Variants in BLOC1S5 observed in about 807,000 individuals in gnomAD.
BLOC1S5 encodes biogenesis of lysosome-related organelles complex 1 subunit 5.
BLOC1S5 carries 27 observed loss-of-function variants against 24.3 expected under a neutral mutation model. The observed-to-expected ratio is 1.11, with a 90% CI of 0.82 to 1.53. BLOC1S5 has a LOEUF of 1.53. Among genes scored for constraint, BLOC1S5 ranks in the 40% most tolerant of loss-of-function variants. The pLI is 0.00. For synonymous variants in BLOC1S5, 84 were observed against 74.5 expected (o/e 1.13, Z -0.66); for missense variants, 239 against 229.4 (o/e 1.04, Z -0.27).
Position 8,062,531 on chromosome 6 carries a change from CACTT to C in BLOC1S5, c.194_195+2del. The C allele has an allele frequency of 6.5e-7, 1 of 1,540,410 alleles. No homozygotes were observed. The highest frequency in any genetic ancestry group is 8.9e-7 in the Non-Finnish European group (1 of 1,123,164). On this transcript the variant is annotated splice_donor_variant and coding_sequence_variant, in exon 2 of 5. Transcript: ENST00000397457. LOFTEE classifies it high-confidence loss of function. ...CTTTTATAAAATAAGTTTAAATACT[CACTT>C]CAAATTCTTTTACAAAATAACGAGT... is the stretch of plus-strand genomic sequence containing the variant.
At chr6:8,037,235 C>G (rs563656718) in intron 3 of BLOC1S5, among the ~76,000 whole-genome samples, 12 of 152,274 alleles carry the variant, frequency 7.9e-5, no homozygotes, top group Non-Finnish European at 1.6e-4. Context: ...AACCTATTGA[C>G]TCACCAAAAA....
chr6:8,054,403 C>CA (rs1258830680), intron 2 of BLOC1S5: 2 of 328,008 alleles, frequency 6.1e-6, no homozygotes, highest in Non-Finnish European at 1.2e-5. Flanking sequence ...AATGCTTACC[C>CA]ACTGTTGTTA....
At chr6:8,059,243 GAGAC>G (rs1484572387) in intron 2 of BLOC1S5, among the ~76,000 whole-genome samples, 3 of 152,184 alleles carry the variant, frequency 2.0e-5, no homozygotes, top group African/African-American at 4.8e-5. Context: ...ATAAAGTCAG[GAGAC>G]AGACAGTCAT....
chr6:8,063,734 T>C (rs1338852150), intron 1 of BLOC1S5, among the ~76,000 whole-genome samples: 2 of 152,124 alleles, frequency 1.3e-5, no homozygotes, highest in African/African-American at 4.8e-5. Flanking sequence ...AGAATCTAGG[T>C]TGTAACCTTC....
At chr6:8,063,333 A>G (rs1372986635) in intron 1 of BLOC1S5, among the ~76,000 whole-genome samples, 1 of 150,944 alleles carries the variant, frequency 6.6e-6, no homozygotes, top group Non-Finnish European at 1.5e-5. Context: ...TAAGTCTGAA[A>G]AAGTCATTAA....
At chr6:8,054,781 T>C (rs752173239) in intron 2 of BLOC1S5, among the ~76,000 whole-genome samples, 4 of 152,244 alleles carry the variant, frequency 2.6e-5, no homozygotes, top group Non-Finnish European at 5.9e-5. Context: ...CCCTTCAATA[T>C]AATTTTAGTA....
intron 3 of BLOC1S5, among the ~76,000 whole-genome samples, chr6:8,038,201 G>C (rs984957820): frequency 6.6e-6 from 1 of 152,118 alleles, no homozygotes; most frequent in Non-Finnish European, 1.5e-5. Context: ...AAAATAATCA[G>C]CAAGTTGAAG....
At chr6:8,032,948 C>T (rs1763355080) in intron 3 of BLOC1S5, among the ~76,000 whole-genome samples, 1 of 152,130 alleles carries the variant, frequency 6.6e-6, no homozygotes, top group South Asian at 2.1e-4. Context: ...TCAAGGAGAA[C>T]TACAAACCAC....
intron 3 of BLOC1S5, among the ~76,000 whole-genome samples, chr6:8,037,022 A>G (rs1561862004): frequency 1.3e-5 from 2 of 152,208 alleles, no homozygotes; most frequent in Non-Finnish European, 2.9e-5. Context: ...CCCACAGCTA[A>G]CATCATACTG....
Position 8,041,198 on chromosome 6 carries a change from T to C in BLOC1S5, c.266A>G (p.His89Arg). 6.2e-7 allele frequency: 1 copy of C among 1,613,252 alleles called. No individual in the cohort carries two copies. The highest frequency in any genetic ancestry group is 8.5e-7 in the Non-Finnish European group (1 of 1,179,554). ...TGTGTCTCTACATTTGGGAAGAGTA[T>C]GTTCATTTGTTTCATGGATCATGTT... The part of the protein sequence containing the change: ...LKNMIHETNE[H>R]TLPKCRDTMR... Residue 89 changes from histidine (H) to arginine (R), a missense_variant, in exon 3 of 5, where the codon CAT (histidine) becomes CGT (arginine). Transcript: ENST00000397457.
Position 8,041,177 on chromosome 6 carries a change from T to C in BLOC1S5, c.287A>G (p.Asp96Gly), listed in dbSNP as rs1166952620. Residue 96 changes from aspartate to glycine, a missense_variant, in exon 3 of 5, where the codon GAC becomes GGC. By Grantham distance (94) the Asp-to-Gly change is moderately conservative. Transcript: ENST00000397457. ...TNEHTLPKCRDTMRDSLSQVL... is the reference protein window; with the variant it reads ...TNEHTLPKCRGTMRDSLSQVL... ...CTGGCTGAGGCTGTCCCGCATTGTG[T>C]CTCTACATTTGGGAAGAGTATGTTC... is the stretch of plus-strand genomic sequence containing the variant. 6.2e-7 allele frequency: 1 copy of C among 1,611,432 alleles called. No homozygotes were observed. The highest frequency in any genetic ancestry group is 8.5e-7 in the Non-Finnish European group (1 of 1,179,084).
intron 4 of BLOC1S5, among the ~76,000 whole-genome samples, chr6:8,025,167 CTAT>C (rs1002341966): frequency 6.6e-6 from 1 of 152,230 alleles, no homozygotes; most frequent in African/African-American, 2.4e-5. Context: ...ACTTTATCCT[CTAT>C]TATTATAGTG....
intron 3 of BLOC1S5, chr6:8,027,128 G>A (rs2113529668): frequency 3.3e-6 from 1 of 307,420 alleles, no homozygotes; most frequent in South Asian, 2.8e-5. Context: ...TTTCATCAAT[G>A]AAACCAGTTG....
intron 4 of BLOC1S5, among the ~76,000 whole-genome samples, chr6:8,024,725 C>G (rs1442055938): frequency 2.0e-5 from 3 of 152,060 alleles, no homozygotes; most frequent in Non-Finnish European, 4.4e-5. Context: ...CTTAAACAAA[C>G]AGTGAGCTGG....
chr6:8,023,845 T>C (rs1318846924), intron 4 of BLOC1S5, among the ~76,000 whole-genome samples: 1 of 152,104 alleles, frequency 6.6e-6, no homozygotes, highest in Non-Finnish European at 1.5e-5. Context: ...TGCACATGTG[T>C]ATATGTGCAC....
In BLOC1S5 at chr6:8,057,989, G is replaced by A. The variant is rs562621453; in HGVS notation, c.195+4545C>T. ...AACAATTACACCATGATGACTCTTTGTTTACATGCCTTTCTTCTCCCTAGA... is the reference window on the plus strand; with the variant it reads ...AACAATTACACCATGATGACTCTTTATTTACATGCCTTTCTTCTCCCTAGA... On this transcript the variant is annotated intron_variant, in intron 2 of 4. Coordinates refer to ENST00000397457, the MANE Select transcript of BLOC1S5 (RefSeq NM_201280.3). Among the ~76,000 whole-genome samples the A allele has an allele frequency of 3.3e-5, 5 of 152,140 alleles. No individual in the cohort carries two copies. The South Asian group carries it at 1.0e-3, about 32-fold the overall frequency.
chr6:8,051,869 C>T (rs1421445402), intron 2 of BLOC1S5, among the ~76,000 whole-genome samples: 1 of 152,080 alleles, frequency 6.6e-6, no homozygotes, highest in Non-Finnish European at 1.5e-5. Context: ...AAAGACTCCT[C>T]TCAAAATATC....
At chr6:8,059,604 G>T (rs987093373) in intron 2 of BLOC1S5, among the ~76,000 whole-genome samples, 1 of 152,186 alleles carries the variant, frequency 6.6e-6, no homozygotes, top group African/African-American at 2.4e-5. Context: ...TAGAAAAGAA[G>T]TACAAATAAT....
chr6:8,029,045 A>G (rs77214758), intron 3 of BLOC1S5, among the ~76,000 whole-genome samples: 5,931 of 152,200 alleles, frequency 0.039, 361 homozygotes, highest in African/African-American at 0.13. Flanking sequence ...GCCGCATACC[A>G]CAGTTAACAA....
Sources: allele counts gnomAD v4.1 joint callset (sites outside exome capture counted in the v4.1 genomes callset), GRCh38; gene constraint gnomAD v4.1.1; transcripts MANE v1.5; gene names NCBI Gene and HGNC (gene_info 2026-07-23, HGNC 2026-07-21).